Variants in FBXO10 observed in about 807,000 individuals in gnomAD.
FBXO10 encodes F-box only protein 10.
FBXO10 carries 39 observed loss-of-function variants against 80.7 expected under a neutral mutation model. The observed-to-expected ratio is 0.48, with a 90% CI of 0.37 to 0.63. The LOEUF is 0.63. Ranked by LOEUF, FBXO10 falls within the 30% of genes least tolerant of loss-of-function variation. The pLI, the probability that FBXO10 is intolerant of heterozygous loss-of-function variation, is 0.00. For missense variants in FBXO10, 1,025 were observed against 1,269.0 expected (o/e 0.81, Z 2.92); for synonymous variants, 449 against 489.6 (o/e 0.92, Z 1.09).
At chr9:37,552,638 G>C (rs962879018) in intron 1 of FBXO10, among the ~76,000 whole-genome samples, 3 of 147,040 alleles carry the variant, frequency 2.0e-5, no homozygotes, top group African/African-American at 7.5e-5. Context: ...CTGGCAGTGA[G>C]CCGAGATTGC....
intron 1 of FBXO10, among the ~76,000 whole-genome samples, chr9:37,563,521 T>C (rs1822530977): frequency 6.6e-6 from 1 of 152,190 alleles, no homozygotes; most frequent in African/African-American, 2.4e-5. Context: ...TGGAGCTTCT[T>C]AGGGACTTGT....
chr9:37,530,963 A>G (rs1821606117), intron 4 of FBXO10, among the ~76,000 whole-genome samples: 1 of 152,180 alleles, frequency 6.6e-6, no homozygotes, highest in Non-Finnish European at 1.5e-5. Context: ...CTTTATGGGC[A>G]GTTAAGATAT....
At position 37,512,449 on chromosome 9, in the gene FBXO10, G is replaced by A. The variant is rs1332256116; in HGVS notation, c.*98C>T. The A allele has an allele frequency of 1.1e-5, 15 of 1,384,928 alleles. No homozygotes were observed. Among genetic ancestry groups the A allele is most frequent in the Middle Eastern group, 3.7e-4 (2 of 5,408 alleles). 85.8% of individuals were successfully genotyped at this position (1,384,928 alleles called of 1,614,324 possible). ...TTGGAGGCCCGGGACCCATTTGTTCGAGGGGGAGGGGGAGGGGCGGAGTCT... is the reference window on the plus strand; with the variant it reads ...TTGGAGGCCCGGGACCCATTTGTTCAAGGGGGAGGGGGAGGGGCGGAGTCT... On this transcript the variant is annotated 3_prime_UTR_variant, in exon 11 of 11. Transcript: ENST00000432825.
chr9:37,526,746 C>T (rs913308528), intron 5 of FBXO10, among the ~76,000 whole-genome samples: 3 of 152,134 alleles, frequency 2.0e-5, no homozygotes, highest in African/African-American at 7.2e-5. Context: ...ACTTCTTGGG[C>T]TGTGGCCTCA....
intron 1 of FBXO10, among the ~76,000 whole-genome samples, chr9:37,568,112 G>T (rs1822655480): frequency 6.6e-6 from 1 of 152,170 alleles, no homozygotes. Flanking sequence ...TCTTTTTAAA[G>T]CCAACTGATG....
chr9:37,536,992 TC>T, intron 3 of FBXO10, 117 bp downstream of exon 3: 1 of 740,296 alleles, frequency 1.4e-6, no homozygotes, highest in Non-Finnish European at 2.2e-6. Flanking sequence ...GGGCATGACG[TC>T]AAGCGTGCGT....
intron 1 of FBXO10, among the ~76,000 whole-genome samples, chr9:37,566,498 T>C (rs535359013): frequency 6.7e-6 from 1 of 149,738 alleles, no homozygotes; most frequent in South Asian, 2.1e-4. Flanking sequence ...AATCAAGGGC[T>C]GCTCAGAACC....
At chr9:37,524,302 C>G (rs1365870060) in intron 6 of FBXO10, among the ~76,000 whole-genome samples, 1 of 152,226 alleles carries the variant, frequency 6.6e-6, no homozygotes, top group Non-Finnish European at 1.5e-5. Flanking sequence ...ACTTGTCACC[C>G]TCAGATGGGA....
chr9:37,514,697 G>A (rs774342466), intron 10 of FBXO10, among the ~76,000 whole-genome samples: 23 of 152,042 alleles, frequency 1.5e-4, no homozygotes, highest in Admixed American at 3.9e-4. Flanking sequence ...AGCCGGGAGT[G>A]GTGGTGGGCG....
chr9:37,521,886 C>A (rs767973510), intron 7 of FBXO10, 48 bp from the exon 8 acceptor site: 2 of 1,510,006 alleles, frequency 1.3e-6, no homozygotes, highest in South Asian at 1.3e-5. Context: ...TCAGGTGAAG[C>A]GGCACCTGAG....
intron 1 of FBXO10, among the ~76,000 whole-genome samples, chr9:37,550,187 T>TTTG (rs1822160315): frequency 7.7e-6 from 1 of 129,862 alleles, no homozygotes; most frequent in African/African-American, 2.9e-5. Flanking sequence ...TTTTTTTTTT[T>TTTG]TTTTTTTTTT....
At chr9:37,573,632 C>T (rs12347595) in intron 1 of FBXO10, among the ~76,000 whole-genome samples, 4,943 of 152,090 alleles carry the variant, frequency 0.033, 281 homozygotes, top group African/African-American at 0.11. Flanking sequence ...TGTATAAGCC[C>T]CCAGAGAGGC....
chr9:37,551,632 T>C (rs1251053020), intron 1 of FBXO10, among the ~76,000 whole-genome samples: 8 of 152,128 alleles, frequency 5.3e-5, no homozygotes, highest in Non-Finnish European at 1.0e-4. Context: ...GTTCCAAGAG[T>C]GCCCCGGGCC....
intron 1 of FBXO10, among the ~76,000 whole-genome samples, chr9:37,572,632 G>A (rs1290385376): frequency 6.6e-6 from 1 of 152,088 alleles, no homozygotes; most frequent in Non-Finnish European, 1.5e-5. Context: ...TATATACATA[G>A]GTGATATAAT....
chr9:37,555,858 C>A (rs1427585591), intron 1 of FBXO10, among the ~76,000 whole-genome samples: 2 of 151,946 alleles, frequency 1.3e-5, no homozygotes, highest in African/African-American at 2.4e-5. Flanking sequence ...TCTAACTTAC[C>A]ATTTCTTTCT....
chr9:37,513,473 A>G (rs1467696901), intron 10 of FBXO10, among the ~76,000 whole-genome samples: 3 of 152,226 alleles, frequency 2.0e-5, no homozygotes, highest in South Asian at 2.1e-4. Context: ...AACGCCTTAC[A>G]TGCAACACCA....
At position 37,512,726 on chromosome 9, in the gene FBXO10, A is replaced by G; in HGVS notation, c.2697-5T>C. Reference sequence around the variant, plus strand: ...ACCAGGCGCCACGTATCAGACCTGGAGGTGCAAAACGAAAGTCAGTGAACT... The same window carrying G: ...ACCAGGCGCCACGTATCAGACCTGGGGGTGCAAAACGAAAGTCAGTGAACT... On this transcript the variant is annotated splice_region_variant and splice_polypyrimidine_tract_variant and intron_variant, in intron 10 of 10. Coordinates refer to ENST00000432825, the MANE Select transcript of FBXO10 (RefSeq NM_012166.3). 6.2e-7 allele frequency: 1 copy of G among 1,612,132 alleles called. No individual in the cohort carries two copies. The highest frequency in any genetic ancestry group is 8.5e-7 in the Non-Finnish European group (1 of 1,178,696).
At chr9:37,523,445 T>G (rs1474026000) in intron 6 of FBXO10, among the ~76,000 whole-genome samples, 2 of 151,986 alleles carry the variant, frequency 1.3e-5, no homozygotes, top group African/African-American at 4.8e-5. Flanking sequence ...TCCCAGCTTC[T>G]TGGGAGGCTG....
At chr9:37,522,398 G>C in intron 7 of FBXO10, 1 of 1,021,326 alleles carries the variant, frequency 9.8e-7, no homozygotes, top group Non-Finnish European at 1.2e-6. Flanking sequence ...ATAGAGTCCA[G>C]ACAGATGAAG....
Sources: allele counts gnomAD v4.1 joint callset (sites outside exome capture counted in the v4.1 genomes callset), GRCh38; gene constraint gnomAD v4.1.1; transcripts MANE v1.5; gene names NCBI Gene and HGNC (gene_info 2026-07-23, HGNC 2026-07-21).